The following MGRN1 variants were observed in gnomAD, a reference collection of about 807,000 sequenced individuals.
The protein encoded by MGRN1 is mahogunin ring finger 1, also known as E3 ubiquitin-protein ligase MGRN1.
In MGRN1, 29 loss-of-function variants were observed where a neutral mutation model predicts 69.2. The observed-to-expected ratio is 0.42, with a 90% CI of 0.31 to 0.57. The LOEUF (loss-of-function observed/expected upper bound fraction) is 0.57, where lower values mean the gene tolerates loss of function less well. Ranked by LOEUF, MGRN1 falls within the 20% of genes least tolerant of loss-of-function variation. The pLI, the probability that MGRN1 is intolerant of heterozygous loss-of-function variation, is 0.15. For missense variants in MGRN1, 998 were observed against 796.2 expected, an observed-to-expected ratio of 1.25 and a Z score of -3.05; for synonymous variants, 470 against 344.2, an observed-to-expected ratio of 1.37 and a Z score of -4.04.
chr16:4,627,080 G>C (rs80092895), intron 1 of MGRN1, among the ~76,000 whole-genome samples: 1 of 152,198 alleles, frequency 6.6e-6, no homozygotes, highest in Non-Finnish European at 1.5e-5. Context: ...TGAGAACTCC[G>C]TCAGGTCAAG....
intron 1 of MGRN1, among the ~76,000 whole-genome samples, chr16:4,635,498 C>G (rs563144140): frequency 1.3e-5 from 2 of 151,704 alleles, no homozygotes; most frequent in African/African-American, 4.8e-5. Context: ...GAGACAGAGT[C>G]TTGCTCTGTC....
chr16:4,652,111 G>A (rs1014151886), intron 3 of MGRN1, 60 bp downstream of exon 3: 4 of 1,536,914 alleles, frequency 2.6e-6, no homozygotes, highest in Admixed American at 1.8e-5. Flanking sequence ...TGTGGTGGAG[G>A]TTCTGGCTTG....
At chr16:4,685,542 T>C (rs1413403874) in intron 16 of MGRN1, among the ~76,000 whole-genome samples, 1 of 152,206 alleles carries the variant, frequency 6.6e-6, no homozygotes, top group East Asian at 1.9e-4. Context: ...GCCCCGCTCT[T>C]GGAGTTGGCT....
chr16:4,669,484 C>T (rs2078892068), intron 8 of MGRN1, among the ~76,000 whole-genome samples: 1 of 149,674 alleles, frequency 6.7e-6, no homozygotes, highest in African/African-American at 2.5e-5. Flanking sequence ...CTGTAGAGCT[C>T]TAAGCTCTGG....
rs2078761174 is a variant in MGRN1 at position 4,664,773 on chromosome 16, A to G, written c.626A>G (p.Asp209Gly). 6.2e-7 allele frequency: 1 copy of G among 1,613,900 alleles called. No individual in the cohort carries two copies. The change falls in exon 6 of 17, where the codon GAT (aspartate) becomes GGT (glycine). Residue 209 changes from aspartate (D) to glycine (G), a missense_variant and splice_region_variant. Transcript: ENST00000262370. ...ATCCAGGCTGTGGTGGACGAAGGAG[A>G]TGGTGAGTGCGTCCTCTTCCGTCCT... ...VVIQAVVDEGDVVEVTGHAHV... is the reference protein window; with the variant it reads ...VVIQAVVDEGGVVEVTGHAHV...
chr16:4,676,315 T>G (rs1019103384), intron 10 of MGRN1, among the ~76,000 whole-genome samples: 2 of 152,266 alleles, frequency 1.3e-5, no homozygotes, highest in South Asian at 4.1e-4. Flanking sequence ...GTGGGCTGTC[T>G]AGGAAGGTTC....
In MGRN1 at chr16:4,673,510, G is replaced by C. The variant is rs1440372740; in HGVS notation, c.808G>C (p.Glu270Gln). The change falls in exon 10 of 17, where the codon GAG becomes CAG. Residue 270 changes from glutamate (E) to glutamine (Q), a missense_variant. Physicochemically the swap from Glu to Gln is conservative, Grantham distance 29. Transcript: ENST00000262370. Reference sequence around the variant, plus strand: ...CTTGTCCCGGCAGCCCTCGGACGACGAGAACAGCGACAACAGCAACGAGTG... The same window carrying C: ...CTTGTCCCGGCAGCCCTCGGACGACCAGAACAGCGACAACAGCAACGAGTG... ...NNQETKPSDD[E>Q]NSDNSNECVV... 6.2e-7 allele frequency: 1 copy of C among 1,612,982 alleles called. No homozygotes were observed.
At chr16:4,664,897 C>T (rs2078765490) in intron 6 of MGRN1, 122 bp downstream of exon 6, 1 of 1,375,686 alleles carries the variant, frequency 7.3e-7, no homozygotes, top group Non-Finnish European at 1.0e-6. Context: ...GGGCTTCCCA[C>T]AGGGCAGGGT....
At position 4,668,275 on chromosome 16, in the gene MGRN1, G is replaced by A. The variant is rs1375456780; in HGVS notation, c.689G>A (p.Gly230Asp). The A allele has an allele frequency of 2.5e-6, 4 of 1,613,918 alleles. No individual in the cohort carries two copies. The Admixed American group carries it at 5.0e-5, about 20-fold the overall frequency. The change falls in exon 8 of 17, where the codon GGC (glycine) becomes GAC (aspartate). Residue 230 changes from glycine (G) to aspartate (D), a missense_variant. Gly to Asp is a moderately conservative substitution (Grantham distance 94). Transcript: ENST00000262370. ...CTTTCTCCCCTGCAGCACATGGACGGCAGCTTCTCTGTGAAGCCTTTAAAG... is the reference window on the plus strand; with the variant it reads ...CTTTCTCCCCTGCAGCACATGGACGACAGCTTCTCTGTGAAGCCTTTAAAG... ...LLAAFEKHMDGSFSVKPLKQK... is the reference protein window; with the variant it reads ...LLAAFEKHMDDSFSVKPLKQK...
intron 8 of MGRN1, 137 bp downstream of exon 8, chr16:4,668,449 A>C (rs547566158): frequency 8.2e-6 from 7 of 854,828 alleles, no homozygotes; most frequent in African/African-American, 1.7e-5. Flanking sequence ...ACTCATACAC[A>C]TTCACTTGCA....
intron 16 of MGRN1, among the ~76,000 whole-genome samples, chr16:4,685,655 C>T (rs2079295711): frequency 6.6e-6 from 1 of 152,252 alleles, no homozygotes; most frequent in Admixed American, 6.5e-5. Flanking sequence ...TGGCTGTCAG[C>T]CTTGTCAGCA....
intron 12 of MGRN1, among the ~76,000 whole-genome samples, chr16:4,681,021 C>T (rs555336455): frequency 6.6e-6 from 1 of 152,228 alleles, no homozygotes; most frequent in Non-Finnish European, 1.5e-5. Flanking sequence ...CTTGTTGATT[C>T]TGTCTGCTCC....
At chr16:4,687,639 G>A in intron 16 of MGRN1, 1 of 984,284 alleles carries the variant, frequency 1.0e-6, no homozygotes, top group Non-Finnish European at 1.2e-6. Context: ...CTCCAGGAGT[G>A]CCACCAAAAT....
chr16:4,688,162 G>A (rs1259203163), intron 16 of MGRN1: 58 of 985,438 alleles, frequency 5.9e-5, no homozygotes, highest in Non-Finnish European at 6.7e-5. Flanking sequence ...CTGGTGGCTG[G>A]GTGTCAGGCA....
intron 10 of MGRN1, among the ~76,000 whole-genome samples, chr16:4,674,886 C>T (rs982066089): frequency 6.6e-5 from 10 of 151,042 alleles, no homozygotes; most frequent in South Asian, 2.1e-4. Context: ...ATGATCCACC[C>T]GCCTCGGCCT....
chr16:4,654,471 C>A (rs146409977), intron 4 of MGRN1, among the ~76,000 whole-genome samples: 2 of 152,242 alleles, frequency 1.3e-5, no homozygotes, highest in African/African-American at 4.8e-5. Flanking sequence ...AGGACTGCCT[C>A]CAGGCTACAA....
intron 5 of MGRN1, 145 bp from the exon 6 acceptor site, chr16:4,664,564 T>G: frequency 2.6e-6 from 2 of 771,124 alleles, no homozygotes; most frequent in Non-Finnish European, 4.4e-6. Context: ...GGCATCCGCC[T>G]TCCCTGCCAT....
chr16:4,657,741 T>G (rs1021475486), intron 5 of MGRN1, among the ~76,000 whole-genome samples: 1 of 120,556 alleles, frequency 8.3e-6, no homozygotes, highest in African/African-American at 3.9e-5. Context: ...AGACATCCTT[T>G]TTTTTTTTTT....
chr16:4,685,341 G>C (rs1037814319), intron 16 of MGRN1, among the ~76,000 whole-genome samples: 3 of 152,224 alleles, frequency 2.0e-5, no homozygotes, highest in Non-Finnish European at 4.4e-5. Flanking sequence ...GCCTGGGAAG[G>C]ATTGGGACAG....
Sources: allele counts gnomAD v4.1 joint callset (sites outside exome capture counted in the v4.1 genomes callset), GRCh38; gene constraint gnomAD v4.1.1; transcripts MANE v1.5; gene names NCBI Gene and HGNC (gene_info 2026-07-23, HGNC 2026-07-21).